Variants in LRRC4C observed in about 807,000 individuals in gnomAD.
LRRC4C encodes leucine-rich repeat-containing protein 4C.
A neutral mutation model predicts 33.6 loss-of-function variants in LRRC4C; 5 were observed. That is an observed-to-expected ratio of 0.15 (90% CI 0.08 to 0.31). The LOEUF is 0.31. Ranked by LOEUF, LRRC4C falls within the 10% of genes least tolerant of loss-of-function variation. The pLI is 1.00. For missense variants in LRRC4C, 560 were observed against 796.7 expected (o/e 0.70, Z 3.58); for synonymous variants, 329 against 302.0 (o/e 1.09, Z -0.93).
intron 3 of LRRC4C, among the ~76,000 whole-genome samples, chr11:40,498,869 G>A (rs945331900): frequency 1.3e-5 from 2 of 152,132 alleles, no homozygotes; most frequent in Admixed American, 6.6e-5. Context: ...GGAAAAATAG[G>A]CTTTAAATGA....
intron 1 of LRRC4C, among the ~76,000 whole-genome samples, chr11:41,414,408 G>T (rs1187345574): frequency 6.6e-6 from 1 of 152,122 alleles, no homozygotes; most frequent in Non-Finnish European, 1.5e-5. Context: ...AAAGTCTGGT[G>T]TCACAAGACA....
chr11:40,978,117 C>A (rs1445696877), intron 1 of LRRC4C, among the ~76,000 whole-genome samples: 2 of 152,128 alleles, frequency 1.3e-5, no homozygotes, highest in Non-Finnish European at 2.9e-5. Flanking sequence ...TCTAAACTAC[C>A]ATTATTTCTT....
At chr11:40,645,618 A>T (rs907565019) in intron 3 of LRRC4C, among the ~76,000 whole-genome samples, 4 of 151,784 alleles carry the variant, frequency 2.6e-5, no homozygotes, top group African/African-American at 7.3e-5. Context: ...ACCTAATCGC[A>T]CTCTTTCCTA....
At chr11:40,945,645 AT>A (rs1250839993) in intron 1 of LRRC4C, among the ~76,000 whole-genome samples, 13 of 152,162 alleles carry the variant, frequency 8.5e-5, no homozygotes, top group Non-Finnish European at 1.9e-4. Flanking sequence ...GTTAATTAGA[AT>A]CAGCAGTGTA....
chr11:41,249,452 T>G (rs1948567753), intron 1 of LRRC4C, among the ~76,000 whole-genome samples: 1 of 152,198 alleles, frequency 6.6e-6, no homozygotes, highest in Non-Finnish European at 1.5e-5. Context: ...TTGAGTCAGA[T>G]CAATTCATTT....
rs1161640925 is a variant in LRRC4C at position 40,374,049 on chromosome 11, C to A, written c.-269-54328G>T. Among the ~76,000 whole-genome samples, 7 of 152,262 alleles carry A rather than the reference C, an allele frequency of 4.6e-5. No homozygotes were observed. The South Asian group carries it at 1.2e-3, about 27-fold the overall frequency. ...TGAAACCAAAAGTATATATCATTAT[C>A]CCTTAACAAGACTATTAAGATTAAA... On this transcript the variant is annotated intron_variant, in intron 3 of 6. Transcript: ENST00000528697.
At chr11:40,850,017 T>C (rs1953402378) in intron 2 of LRRC4C, among the ~76,000 whole-genome samples, 1 of 151,918 alleles carries the variant, frequency 6.6e-6, no homozygotes, top group Non-Finnish European at 1.5e-5. Flanking sequence ...GTTATTCTAG[T>C]TAGAAATTCC....
chr11:41,076,335 A>T (rs1448872052), intron 1 of LRRC4C, among the ~76,000 whole-genome samples: 1 of 152,148 alleles, frequency 6.6e-6, no homozygotes, highest in Non-Finnish European at 1.5e-5. Flanking sequence ...CATCCTCACA[A>T]TGCTATAAAG....
At chr11:40,855,898 C>T (rs1953754723) in intron 2 of LRRC4C, among the ~76,000 whole-genome samples, 1 of 151,548 alleles carries the variant, frequency 6.6e-6, no homozygotes, top group African/African-American at 2.4e-5. Flanking sequence ...TATTATTTTT[C>T]TTTTATAATT....
intron 2 of LRRC4C, among the ~76,000 whole-genome samples, chr11:40,841,991 C>T (rs1039982857): frequency 3.9e-5 from 6 of 152,154 alleles, no homozygotes; most frequent in African/African-American, 1.4e-4. Flanking sequence ...ATTTCCCTTC[C>T]CTAGCATTGA....
chr11:40,151,499 T>C (rs902140260), intron 5 of LRRC4C, among the ~76,000 whole-genome samples: 9 of 152,222 alleles, frequency 5.9e-5, no homozygotes, highest in African/African-American at 2.2e-4. Flanking sequence ...CTCATAGTTA[T>C]ATCTTTTCAA....
chr11:41,367,188 T>C (rs1271161566), intron 1 of LRRC4C, among the ~76,000 whole-genome samples: 2 of 152,152 alleles, frequency 1.3e-5, no homozygotes, highest in African/African-American at 4.8e-5. Context: ...CAGTACATAG[T>C]CAATGGACTG....
chr11:40,424,554 G>A (rs1468537048), intron 3 of LRRC4C, among the ~76,000 whole-genome samples: 1 of 152,150 alleles, frequency 6.6e-6, no homozygotes, highest in Non-Finnish European at 1.5e-5. Context: ...TATGCGCAGG[G>A]ATTTCTTGCA....
At chr11:41,314,926 G>A (rs1039312021) in intron 1 of LRRC4C, among the ~76,000 whole-genome samples, 6 of 152,122 alleles carry the variant, frequency 3.9e-5, no homozygotes, top group African/African-American at 1.4e-4. Flanking sequence ...TAGTGCATAT[G>A]TCCTGATTGT....
intron 1 of LRRC4C, among the ~76,000 whole-genome samples, chr11:41,449,897 A>G (rs1272245842): frequency 2.0e-5 from 3 of 152,180 alleles, no homozygotes; most frequent in African/African-American, 7.2e-5. Flanking sequence ...CTAAGCCAAG[A>G]AAAATAAACA....
chr11:40,908,136 A>G (rs546039151), intron 2 of LRRC4C, among the ~76,000 whole-genome samples: 7 of 152,278 alleles, frequency 4.6e-5, no homozygotes, highest in African/African-American at 1.7e-4. Flanking sequence ...TTAGTACTTT[A>G]TATAAAGATT....
At chr11:41,215,439 G>A (rs1947017961) in intron 1 of LRRC4C, among the ~76,000 whole-genome samples, 1 of 134,696 alleles carries the variant, frequency 7.4e-6, no homozygotes, top group South Asian at 2.3e-4. Context: ...AGTGAGCTGA[G>A]ATCATACCAC....
chr11:40,268,302 A>C (rs193016378), intron 4 of LRRC4C, among the ~76,000 whole-genome samples: 219 of 152,318 alleles, frequency 1.4e-3, no homozygotes, highest in African/African-American at 4.4e-3. Flanking sequence ...AGCTAAAGAC[A>C]CTTCAAAGTG....
chr11:40,928,656 G>A (rs1051237594), intron 2 of LRRC4C, among the ~76,000 whole-genome samples: 12 of 152,086 alleles, frequency 7.9e-5, no homozygotes, highest in South Asian at 4.1e-4. Flanking sequence ...TTGGCATTCC[G>A]TACAAATGCT....
Sources: gnomAD v4.1 joint callset for allele counts (sites outside exome capture counted in the v4.1 genomes callset) on GRCh38, gnomAD v4.1.1 for gene constraint, MANE v1.5 for transcripts, NCBI Gene and HGNC (gene_info 2026-07-23, HGNC 2026-07-21) for gene names.